ELMO1: variants seen among roughly 807,000 people sequenced by gnomAD.
ELMO1 encodes the protein engulfment and cell motility protein 1.
In ELMO1, 26 loss-of-function variants were observed where a neutral mutation model predicts 98.9. The observed-to-expected ratio is 0.26, with a 90% CI of 0.19 to 0.36. ELMO1 has a LOEUF of 0.36. Among genes scored for constraint, ELMO1 ranks in the 10% least tolerant of loss-of-function variants. The pLI is 1.00. For synonymous variants in ELMO1, 346 were observed against 346.0 expected (o/e 1.00, Z 0.00); for missense variants, 627 against 935.2 (o/e 0.67, Z 4.30).
At chr7:37,085,001 C>G (rs116904604) in intron 15 of ELMO1, among the ~76,000 whole-genome samples, 2,901 of 152,224 alleles carry the variant, frequency 0.019, 45 homozygotes, top group Non-Finnish European at 0.03. Context: ...ATGTAATCTG[C>G]CCGCCTCAGC....
chr7:37,034,764 G>GC (rs924054392), intron 15 of ELMO1, among the ~76,000 whole-genome samples: 9 of 152,228 alleles, frequency 5.9e-5, no homozygotes, highest in African/African-American at 2.2e-4. Context: ...GTTCTGGGTG[G>GC]CAGGGGCATT....
chr7:37,232,695 G>A (rs554704747), intron 8 of ELMO1, among the ~76,000 whole-genome samples: 15 of 152,308 alleles, frequency 9.8e-5, no homozygotes, highest in Admixed American at 9.1e-4. Flanking sequence ...AAACCTAGGT[G>A]TGCAGGTCAT....
intron 2 of ELMO1, among the ~76,000 whole-genome samples, chr7:37,339,588 T>G (rs1256001198): frequency 6.6e-6 from 1 of 152,190 alleles, no homozygotes; most frequent in African/African-American, 2.4e-5. Context: ...TAATAATCAT[T>G]TCTTCTACTC....
chr7:37,047,236 T>C (rs140444629), intron 15 of ELMO1, among the ~76,000 whole-genome samples: 237 of 152,356 alleles, frequency 1.6e-3, no homozygotes, highest in Non-Finnish European at 2.4e-3. Flanking sequence ...TTTCATTTTA[T>C]AGGCCAATTT....
rs946481834 is a variant in ELMO1 at position 37,013,392 on chromosome 7, G to T, written c.1344C>A (p.His448Gln). The change falls in exon 16 of 22, where the codon CAC (histidine) becomes CAA (glutamine). Residue 448 changes from histidine to glutamine, a missense_variant. Physicochemically the swap from His to Gln is conservative, Grantham distance 24. This residue lies in a region of ELMO1 where 492 missense variants were observed against 715.6 expected (regional missense o/e 0.69). Transcript: ENST00000310758. ...AGAAAAACTCCTCAAAGGATCTGTCGTGGGTGAAGAACATCGGGTGGAAGT... is the reference window on the plus strand; with the variant it reads ...AGAAAAACTCCTCAAAGGATCTGTCTTGGGTGAAGAACATCGGGTGGAAGT... ...CNDFHPMFFT[H>Q]DRSFEEFFCI... The T allele has an allele frequency of 3.7e-6, 6 of 1,613,926 alleles. No homozygotes were observed. The highest frequency in any genetic ancestry group is 1.3e-5 in the African/African-American group (1 of 74,902).
chr7:36,913,499 G>A (rs1325242869), intron 16 of ELMO1, among the ~76,000 whole-genome samples: 2 of 152,214 alleles, frequency 1.3e-5, no homozygotes, highest in Non-Finnish European at 2.9e-5. Flanking sequence ...AACTGAAGCC[G>A]AGGATACAGT....
At chr7:37,067,246 C>T (rs1554404135) in intron 15 of ELMO1, among the ~76,000 whole-genome samples, 1 of 152,158 alleles carries the variant, frequency 6.6e-6, no homozygotes, top group Non-Finnish European at 1.5e-5. Flanking sequence ...AGTAAACATT[C>T]TGATCACATG....
chr7:36,890,353 T>C (rs1474783310), intron 17 of ELMO1, among the ~76,000 whole-genome samples: 1 of 152,138 alleles, frequency 6.6e-6, no homozygotes, highest in Non-Finnish European at 1.5e-5. Context: ...ACTGGTGAGA[T>C]TCCTTCTTTG....
intron 2 of ELMO1, among the ~76,000 whole-genome samples, chr7:37,331,333 C>CTTCTTTTTT (rs1800100288): frequency 3.5e-5 from 1 of 28,716 alleles, no homozygotes; most frequent in African/African-American, 1.1e-4. Context: ...CCACGCCTGG[C>CTTCTTTTTT]TTTTTTTTTT....
chr7:37,121,012 CAG>C (rs1391034562), intron 14 of ELMO1, among the ~76,000 whole-genome samples: 3 of 152,214 alleles, frequency 2.0e-5, no homozygotes, highest in South Asian at 2.1e-4. Context: ...CCCAGGCAAA[CAG>C]AGTCTGGAGT....
At chr7:37,170,589 TC>T (rs1790083501) in intron 13 of ELMO1, among the ~76,000 whole-genome samples, 1 of 151,156 alleles carries the variant, frequency 6.6e-6, no homozygotes, top group Non-Finnish European at 1.5e-5. Flanking sequence ...TTTTTCTTTC[TC>T]TCTCTCTTTC....
chr7:37,263,243 C>T (rs1199407144), intron 5 of ELMO1, among the ~76,000 whole-genome samples: 2 of 150,668 alleles, frequency 1.3e-5, no homozygotes, highest in Non-Finnish European at 3.0e-5. Flanking sequence ...TTGCAGATCA[C>T]TCTTTATATA....
chr7:37,082,930 A>C (rs75470791), intron 15 of ELMO1, among the ~76,000 whole-genome samples: 2,291 of 152,320 alleles, frequency 0.015, 66 homozygotes, highest in African/African-American at 0.053. Flanking sequence ...TTCAGGTTAT[A>C]CATATGTCAC....
chr7:37,297,695 T>C (rs1562592785), intron 4 of ELMO1, among the ~76,000 whole-genome samples: 1 of 152,104 alleles, frequency 6.6e-6, no homozygotes, highest in Non-Finnish European at 1.5e-5. Context: ...GTTGAATTCT[T>C]TTCAGCCATT....
intron 16 of ELMO1, among the ~76,000 whole-genome samples, chr7:36,993,117 C>T (rs1046839951): frequency 7.9e-5 from 12 of 152,212 alleles, no homozygotes; most frequent in African/African-American, 2.6e-4. Flanking sequence ...GAGATGAAGG[C>T]AGTCAATTCC....
At chr7:36,963,220 A>C (rs2129122989) in intron 16 of ELMO1, among the ~76,000 whole-genome samples, 1 of 151,982 alleles carries the variant, frequency 6.6e-6, no homozygotes, top group East Asian at 1.9e-4. Flanking sequence ...TCTACTAAAA[A>C]TACAAAAATT....
At chr7:37,202,596 C>G (rs907495624) in intron 13 of ELMO1, among the ~76,000 whole-genome samples, 1 of 152,210 alleles carries the variant, frequency 6.6e-6, no homozygotes, top group Admixed American at 6.5e-5. Context: ...AAGGCAGTTT[C>G]TGGCTTTAAA....
intron 13 of ELMO1, among the ~76,000 whole-genome samples, chr7:37,134,549 A>T (rs1288677394): frequency 7.2e-6 from 1 of 137,986 alleles, no homozygotes; most frequent in African/African-American, 3.1e-5. Context: ...ACAGGGCAAG[A>T]CTCCATCTCA....
intron 16 of ELMO1, among the ~76,000 whole-genome samples, chr7:36,910,692 T>C (rs111394725): frequency 6.6e-6 from 1 of 152,096 alleles, no homozygotes; most frequent in Non-Finnish European, 1.5e-5. Flanking sequence ...CCTTGCACTG[T>C]AGGGGAAGGG....
Sources: allele counts gnomAD v4.1 joint callset (sites outside exome capture counted in the v4.1 genomes callset), GRCh38; gene constraint gnomAD v4.1.1; regional missense constraint gnomAD v4.1.1; transcripts MANE v1.5; gene names NCBI Gene and HGNC (gene_info 2026-07-23, HGNC 2026-07-21).